TRPS1: variants seen among roughly 807,000 people sequenced by gnomAD.
The protein encoded by TRPS1 is zinc finger transcription factor Trps1.
In TRPS1, 6 loss-of-function variants were observed where a neutral mutation model predicts 101.2. The ratio of observed to expected loss-of-function variants is 0.06; its 90% CI spans 0.03 to 0.12. TRPS1 has a LOEUF of 0.12. TRPS1 is among the 10% of genes least tolerant of loss of function. TRPS1 has a pLI of 1.00. For missense variants in TRPS1, 1,363 were observed against 1,567.0 expected (o/e 0.87, Z 2.20); for synonymous variants, 578 against 589.8 (o/e 0.98, Z 0.29).
At chr8:115,495,982 A>G (rs1336367604) in intron 5 of TRPS1, among the ~76,000 whole-genome samples, 2 of 152,150 alleles carry the variant, frequency 1.3e-5, no homozygotes, top group East Asian at 3.9e-4. Context: ...GTCACTTTAT[A>G]TTAAAGCGAA....
At chr8:115,585,936 A>C (rs549397556) in intron 5 of TRPS1, among the ~76,000 whole-genome samples, 1 of 152,334 alleles carries the variant, frequency 6.6e-6, no homozygotes, top group East Asian at 1.9e-4. Context: ...AAGCACAGAT[A>C]GGCTTCAGAG....
chr8:115,506,092 C>T (rs1815436111), intron 5 of TRPS1, among the ~76,000 whole-genome samples: 1 of 151,920 alleles, frequency 6.6e-6, no homozygotes, highest in Non-Finnish European at 1.5e-5. Flanking sequence ...AGTTATTTAT[C>T]TTGTTAATGA....
intron 5 of TRPS1, among the ~76,000 whole-genome samples, chr8:115,427,856 G>C (rs1052213949): frequency 7.2e-6 from 1 of 138,434 alleles, no homozygotes; most frequent in African/African-American, 2.6e-5. Flanking sequence ...GTGCTGGGGA[G>C]GGGGGAGGGG....
chr8:115,588,208 T>G (rs1282631984), intron 4 of TRPS1, among the ~76,000 whole-genome samples: 2 of 152,206 alleles, frequency 1.3e-5, no homozygotes, highest in East Asian at 3.8e-4. Flanking sequence ...CATTATCAAA[T>G]TATTAAATGA....
chr8:115,479,258 C>T (rs1370284098), intron 5 of TRPS1, among the ~76,000 whole-genome samples: 1 of 152,036 alleles, frequency 6.6e-6, no homozygotes, highest in Non-Finnish European at 1.5e-5. Flanking sequence ...ATTTATCATG[C>T]TCTTACGTAA....
rs139990216 is a variant in TRPS1, at chr8:115,630,904, T to A, written c.-121-7146A>T. ...AACAGTTAACCAATGCAAAAAGTGATAACATTTTAAGAAACTTACAAGAGA... is the reference window on the plus strand; with the variant it reads ...AACAGTTAACCAATGCAAAAAGTGAAAACATTTTAAGAAACTTACAAGAGA... On this transcript the variant is annotated intron_variant, in intron 1 of 6. Transcript: ENST00000395715. Among the ~76,000 whole-genome samples the A allele has an allele frequency of 2.3e-3, 349 of 152,158 alleles. 1 individual carries two copies. The highest frequency in any genetic ancestry group is 7.5e-3 in the African/African-American group (311 of 41,548).
At position 115,622,338 on chromosome 8, in the gene TRPS1, C is replaced by T. The variant is rs117237023; in HGVS notation, c.37+1263G>A. ...GAATGTGTGAAAATATGCAGAAAAC[C>T]GAAGGGCAATTTTACTAGTAGTCAA... On this transcript the variant is annotated intron_variant, in intron 2 of 6. Transcript: ENST00000395715. Among the ~76,000 whole-genome samples the T allele has an allele frequency of 3.4e-3, 515 of 151,482 alleles. 2 individuals carry two copies. Among genetic ancestry groups the T allele is most frequent in the Admixed American group, 7.3e-3 (112 of 15,240 alleles).
At chr8:115,590,750 C>T (rs1817661764) in intron 4 of TRPS1, among the ~76,000 whole-genome samples, 1 of 152,188 alleles carries the variant, frequency 6.6e-6, no homozygotes, top group Non-Finnish European at 1.5e-5. Flanking sequence ...GTTTCCTCAT[C>T]TGCAAAATGA....
At chr8:115,511,472 C>A (rs185463453) in intron 5 of TRPS1, 44 of 152,000 alleles carry the variant, frequency 2.9e-4, no homozygotes, top group Admixed American at 2.6e-3. Flanking sequence ...TTGGTGCCCA[C>A]AGCTTCAATC....
chr8:115,566,565 T>A (rs1817072254), intron 5 of TRPS1, among the ~76,000 whole-genome samples: 1 of 151,444 alleles, frequency 6.6e-6, no homozygotes, highest in African/African-American at 2.4e-5. Flanking sequence ...ATTCCTAAGG[T>A]CAGAAAAACA....
intron 1 of TRPS1, among the ~76,000 whole-genome samples, chr8:115,653,754 T>C (rs1811617711): frequency 6.6e-6 from 1 of 152,010 alleles, no homozygotes; most frequent in Admixed American, 6.5e-5. Flanking sequence ...GGAAGTACAA[T>C]GTCTTCTTCA....
At position 115,664,281 on chromosome 8, in the gene TRPS1, A is replaced by T. The variant is rs541051385; in HGVS notation, c.-122+4264T>A. Among the ~76,000 whole-genome samples, 201 of 152,208 alleles carry T rather than the reference A, an allele frequency of 1.3e-3. 1 individual carries two copies. The highest frequency in any genetic ancestry group is 3.6e-3 in the Admixed American group (55 of 15,298). On this transcript the variant is annotated intron_variant, in intron 1 of 6. Transcript: ENST00000395715. Reference sequence around the variant, plus strand: ...AAAACAAACCTCTACATAATTTTTAATGTAAATAATTGCAAAGTATGTTAG... The same window carrying T: ...AAAACAAACCTCTACATAATTTTTATTGTAAATAATTGCAAAGTATGTTAG...
chr8:115,490,161 A>G (rs910525232), intron 5 of TRPS1, among the ~76,000 whole-genome samples: 1 of 152,156 alleles, frequency 6.6e-6, no homozygotes, highest in South Asian at 2.1e-4. Context: ...TTACCAAGAC[A>G]AGGAAGTTTT....
chr8:115,596,801 T>C (rs1399465665), intron 4 of TRPS1, among the ~76,000 whole-genome samples: 2 of 151,944 alleles, frequency 1.3e-5, no homozygotes, highest in Non-Finnish European at 2.9e-5. Flanking sequence ...TATGTATGCA[T>C]GCATATGATA....
intron 5 of TRPS1, among the ~76,000 whole-genome samples, chr8:115,422,421 C>T (rs1813087545): frequency 6.6e-6 from 1 of 151,354 alleles, no homozygotes. Flanking sequence ...GGCTGGAGGG[C>T]AGTGGCGCGA....
chr8:115,457,915 T>C (rs1814068228), intron 5 of TRPS1, among the ~76,000 whole-genome samples: 1 of 152,158 alleles, frequency 6.6e-6, no homozygotes, highest in South Asian at 2.1e-4. Context: ...ATATTCTGTC[T>C]GTGTGTTAGG....
rs750822516 is a variant in TRPS1 at position 115,619,484 on chromosome 8, T to C, written c.614A>G (p.Asp205Gly). The C allele has an allele frequency of 6.2e-7, 1 of 1,614,204 alleles. No individual in the cohort carries two copies. Among genetic ancestry groups the C allele is most frequent in the Admixed American group, 1.7e-5 (1 of 60,032 alleles). Residue 205 changes from aspartate (D) to glycine (G), a missense_variant, in exon 3 of 7, where the codon GAT becomes GGT. Physicochemically the swap from Asp to Gly is moderately conservative, Grantham distance 94. Around this residue, in one of 5 missense-constraint regions of TRPS1, gnomAD observed 1,020 missense variants for 1,073.0 expected, o/e 0.95. Transcript: ENST00000395715. ...GGATTTATTCAGTCTTACACCCCCA[T>C]CTGAAGGCACTTGTGGGTTTTTTGA... is the stretch of plus-strand genomic sequence containing the variant. Reference protein sequence around the residue: ...VASKNPQVPSDGGVRLNKSKT... With the variant: ...VASKNPQVPSGGGVRLNKSKT...
chr8:115,534,989 A>AT lies in TRPS1; in HGVS notation c.2700+52011dup, dbSNP rs1229292422. Among the ~76,000 whole-genome samples the AT allele has an allele frequency of 2.0e-5, 3 of 149,810 alleles. No individual in the cohort carries two copies. In the East Asian group the frequency reaches 5.8e-4, roughly 29 times the overall value. On this transcript the variant is annotated intron_variant, in intron 5 of 6. Coordinates refer to ENST00000395715, the MANE Select transcript of TRPS1 (RefSeq NM_014112.5). Reference sequence around the variant, plus strand: ...ATATCTAAAGTAAAACACTTGGCATATAAATATATATAGCATATATATAGC... The same window carrying AT: ...ATATCTAAAGTAAAACACTTGGCATATTAAATATATATAGCATATATATAGC...
At chr8:115,605,054 G>C in intron 3 of TRPS1, 52 bp from the exon 4 acceptor site, 1 of 1,574,164 alleles carries the variant, frequency 6.4e-7, no homozygotes, top group South Asian at 1.1e-5. Context: ...TAATTCAATG[G>C]GCCCTCTGCA....
Sources: gnomAD v4.1 joint callset for allele counts (sites outside exome capture counted in the v4.1 genomes callset) on GRCh38, gnomAD v4.1.1 for gene constraint, gnomAD v4.1.1 regional missense constraint, MANE v1.5 for transcripts, NCBI Gene and HGNC (gene_info 2026-07-23, HGNC 2026-07-21) for gene names.